The following SEMA4D variants were observed in gnomAD, a reference collection of about 807,000 sequenced individuals.
SEMA4D encodes semaphorin 4D, also known as semaphorin-4D.
SEMA4D carries 22 observed loss-of-function variants against 74.8 expected under a neutral mutation model. That is an observed-to-expected ratio of 0.29 (90% CI 0.21 to 0.42). The LOEUF is 0.42. SEMA4D is among the 10% of genes least tolerant of loss of function. The pLI is 1.00. For missense variants in SEMA4D, 937 were observed against 1,118.4 expected (o/e 0.84, Z 2.31); for synonymous variants, 445 against 463.7 (o/e 0.96, Z 0.52).
chr9:89,488,844 G>A (rs952129253), intron 1 of SEMA4D, among the ~76,000 whole-genome samples: 6 of 152,034 alleles, frequency 3.9e-5, no homozygotes, highest in Non-Finnish European at 8.8e-5. Flanking sequence ...AAGATATAAC[G>A]GATAAAAAGG....
intron 1 of SEMA4D, among the ~76,000 whole-genome samples, chr9:89,462,954 G>GAGGGGA (rs1554782349): frequency 5.3e-4 from 5 of 9,506 alleles, no homozygotes; most frequent in African/African-American, 5.5e-4. Context: ...AAGAAAGGAG[G>GAGGGGA]GGGGAGCGAG....
chr9:89,439,407 T>C (rs997474780), intron 2 of SEMA4D, among the ~76,000 whole-genome samples: 2 of 152,208 alleles, frequency 1.3e-5, no homozygotes, highest in African/African-American at 4.8e-5. Context: ...TCCTCTAAGA[T>C]CTAGTGGCTG....
chr9:89,407,166 T>C (rs1843495053), intron 2 of SEMA4D, among the ~76,000 whole-genome samples: 1 of 152,218 alleles, frequency 6.6e-6, no homozygotes, highest in Non-Finnish European at 1.5e-5. Flanking sequence ...CCGAGGTTAC[T>C]TGGGTTGGCA....
At chr9:89,417,287 T>C (rs535965390) in intron 2 of SEMA4D, among the ~76,000 whole-genome samples, 56 of 152,322 alleles carry the variant, frequency 3.7e-4, no homozygotes, top group African/African-American at 1.3e-3. Context: ...CCCACCCCAA[T>C]GGACCAGATA....
In SEMA4D at chr9:89,388,976, G is replaced by C; in HGVS notation, c.846C>G (p.Ser282=). The change falls in exon 10 of 16, where the codon TCC becomes TCG. Residue 282 remains serine, a synonymous_variant. Coordinates refer to ENST00000422704, the MANE Select transcript of SEMA4D (RefSeq NM_001371194.2). ...TSFLKARLIC[S]RPDSGLVFNV... ...TGAAGACCAAGCCGCTGTCTGGCCGGGAGCAGATGAGTCGGGCTTTCAGGA... is the reference window on the plus strand; with the variant it reads ...TGAAGACCAAGCCGCTGTCTGGCCGCGAGCAGATGAGTCGGGCTTTCAGGA... The C allele has an allele frequency of 6.2e-7, 1 of 1,614,134 alleles. No individual in the cohort carries two copies. Among genetic ancestry groups the C allele is most frequent in the Non-Finnish European group, 8.5e-7 (1 of 1,180,016 alleles).
At chr9:89,363,350 C>T in intron 18 of SEMA4D, 1 of 1,583,110 alleles carries the variant, frequency 6.3e-7, no homozygotes, top group Non-Finnish European at 8.5e-7. Flanking sequence ...GAATGGGGCC[C>T]TTGAAAGATC....
intron 2 of SEMA4D, chr9:89,405,974 C>T (rs1404411213): frequency 9.1e-7 from 1 of 1,096,500 alleles, no homozygotes; most frequent in East Asian, 5.5e-5. Context: ...GTGTGGGGCA[C>T]CCGGCAGACA....
chr9:89,478,803 C>T (rs547984093), intron 1 of SEMA4D, among the ~76,000 whole-genome samples: 12 of 149,352 alleles, frequency 8.0e-5, no homozygotes, highest in African/African-American at 3.0e-4. Context: ...TTCCTTCCCC[C>T]TCCTTGGGCA....
Position 89,484,877 on chromosome 9 carries a change from T to C in SEMA4D, c.-310+13042A>G, listed in dbSNP as rs1001652191. Among the ~76,000 whole-genome samples, 1 of 150,212 alleles carries C rather than the reference T, an allele frequency of 6.7e-6. No individual in the cohort carries two copies. The highest frequency in any genetic ancestry group is 2.1e-4 in the South Asian group (1 of 4,726). ...GTGTGTATACTGGGTGTTTGTGGTG[T>C]GGGGGGTATGTGTGTAGTGTGTGGT... On this transcript the variant is annotated intron_variant, in intron 1 of 15. Coordinates refer to ENST00000422704, the MANE Select transcript of SEMA4D (RefSeq NM_001371194.2). This position sits in a 1 kb window ranked among gnomAD's most constrained non-coding sequence, Gnocchi z 4.1.
In SEMA4D at chr9:89,390,411, C is replaced by T. The variant is rs187616912; in HGVS notation, c.774+853G>A. On this transcript the variant is annotated intron_variant, in intron 9 of 15. Transcript: ENST00000422704. ...GGATCTGGTCAGTGAGCCCTGGCTACGGAAGGCCTGGGCAGGGAGCAAAGC... is the reference window on the plus strand; with the variant it reads ...GGATCTGGTCAGTGAGCCCTGGCTATGGAAGGCCTGGGCAGGGAGCAAAGC... Among the ~76,000 whole-genome samples, 77 of 152,324 alleles carry T rather than the reference C, an allele frequency of 5.1e-4. 1 individual carries two copies. Among genetic ancestry groups the T allele is most frequent in the Admixed American group, 3.7e-3 (57 of 15,306 alleles).
At position 89,450,659 on chromosome 9, in the gene SEMA4D, G is replaced by GAAA. The variant is rs1564832883; in HGVS notation, c.-244+5228_-244+5229insTTT. ...AGAGTTCTGCAAGTCGAAAAACCCA[G>GAAA]GAAAAAAAAAAAAAAAAAAAAAAAA... On this transcript the variant is annotated intron_variant, in intron 2 of 15. Coordinates refer to ENST00000422704, the MANE Select transcript of SEMA4D (RefSeq NM_001371194.2). The GAAA allele has an allele frequency of 1.0e-3, 427 of 420,964 alleles. 111 individuals carry two copies. Among genetic ancestry groups the GAAA allele is most frequent in the East Asian group, 1.7e-3 (33 of 19,964 alleles). 26.1% of individuals were successfully genotyped at this position (420,964 alleles called of 1,614,324 possible).
At chr9:89,482,384 A>C (rs1696310240) in intron 1 of SEMA4D, among the ~76,000 whole-genome samples, 1 of 152,216 alleles carries the variant, frequency 6.6e-6, no homozygotes, top group Admixed American at 6.5e-5. Flanking sequence ...AGCACGGGCC[A>C]CACTCGTTAC....
chr9:89,369,977 G>C (rs1439481701), intron 16 of SEMA4D, among the ~76,000 whole-genome samples: 1 of 151,836 alleles, frequency 6.6e-6, no homozygotes, highest in Non-Finnish European at 1.5e-5. Flanking sequence ...CAGTATGTGT[G>C]GTGGTGTGTG....
In SEMA4D at chr9:89,381,019, C is replaced by T; in HGVS notation, c.1663+36G>A. The T allele has an allele frequency of 6.2e-7, 1 of 1,612,360 alleles. No homozygotes were observed. Among genetic ancestry groups the T allele is most frequent in the Non-Finnish European group, 8.5e-7 (1 of 1,178,502 alleles). ...GTGAAATGGCTACAAGACCTCGCCA[C>T]TCCCAAAGGAAATGGGACGTCGAGG... On this transcript the variant is annotated intron_variant, in intron 15 of 15. Coordinates refer to ENST00000422704, the MANE Select transcript of SEMA4D (RefSeq NM_001371194.2). The surrounding 1 kb of genome is among the most constrained non-coding windows in gnomAD (Gnocchi z 4.6).
In SEMA4D at chr9:89,455,310, G is replaced by A. The variant is rs557642125; in HGVS notation, c.-244+578C>T. 3.9e-5 allele frequency among the ~76,000 whole-genome samples: 6 copies of A among 152,342 alleles called. No homozygotes were observed. The South Asian group carries it at 1.2e-3, about 32-fold the overall frequency. On this transcript the variant is annotated intron_variant, in intron 2 of 15. Transcript: ENST00000422704. ...GTGGGAGCAAAGGTGTGGCAGCCCA[G>A]GGGGCTGTCCCCGGTCCACCTCACC...
intron 1 of SEMA4D, among the ~76,000 whole-genome samples, chr9:89,465,400 G>A (rs1262853401): frequency 6.6e-6 from 1 of 152,188 alleles, no homozygotes; most frequent in Non-Finnish European, 1.5e-5. Context: ...AGAGAACCAA[G>A]GAGGTGTCAC....
intron 1 of SEMA4D, among the ~76,000 whole-genome samples, chr9:89,480,645 G>A (rs1011040743): frequency 3.9e-5 from 6 of 152,210 alleles, no homozygotes; most frequent in African/African-American, 1.4e-4. Context: ...TACACCCTCC[G>A]CAGCCACTGG....
chr9:89,433,642 T>C (rs1849758018), intron 2 of SEMA4D, among the ~76,000 whole-genome samples: 2 of 152,190 alleles, frequency 1.3e-5, no homozygotes, highest in African/African-American at 4.8e-5. Context: ...TAGCCGAGCA[T>C]GGGCTTCTGA....
chr9:89,476,224 T>C (rs1447028242), intron 1 of SEMA4D, among the ~76,000 whole-genome samples: 3 of 152,092 alleles, frequency 2.0e-5, no homozygotes, highest in Non-Finnish European at 4.4e-5. Context: ...GGGCAACACC[T>C]TCATACAATA....
Sources: allele counts gnomAD v4.1 joint callset (sites outside exome capture counted in the v4.1 genomes callset), GRCh38; gene constraint gnomAD v4.1.1; non-coding constraint Gnocchi (gnomAD v3.1); transcripts MANE v1.5; gene names NCBI Gene and HGNC (gene_info 2026-07-23, HGNC 2026-07-21).